ADGRL3: variants seen among roughly 807,000 people sequenced by gnomAD.
ADGRL3 encodes the protein adhesion G protein-coupled receptor L3.
A neutral mutation model predicts 153.5 loss-of-function variants in ADGRL3; 62 were observed. That is an observed-to-expected ratio of 0.40 (90% confidence interval 0.33 to 0.50). ADGRL3 has a LOEUF of 0.50. Among genes scored for constraint, ADGRL3 ranks in the 20% least tolerant of loss-of-function variants. The probability of loss-of-function intolerance (pLI) is 0.47; values close to 1 mark genes in which losing one functional copy is unlikely to be tolerated. For missense variants in ADGRL3, 1,641 were observed against 1,859.4 expected, an observed-to-expected ratio of 0.88 and a Z score of 2.16; for synonymous variants, 710 against 672.5, an observed-to-expected ratio of 1.06 and a Z score of -0.86.
At chr4:61,372,432 T>C (rs965271857) in intron 1 of ADGRL3, among the ~76,000 whole-genome samples, 10 of 152,006 alleles carry the variant, frequency 6.6e-5, no homozygotes, top group Non-Finnish European at 1.0e-4. Context: ...TTCTGTTTGT[T>C]AGTTTTCCTT....
chr4:62,005,995 C>T (rs1490240840), intron 21 of ADGRL3, among the ~76,000 whole-genome samples: 12 of 88,854 alleles, frequency 1.4e-4, no homozygotes, highest in African/African-American at 4.6e-4. Context: ...CACACACACA[C>T]ACACACACAT....
At position 61,432,656 on chromosome 4, in the gene ADGRL3, T is replaced by C. The variant is rs371328040; in HGVS notation, c.-174+49467T>C. On this transcript the variant is annotated intron_variant, in intron 2 of 26. Transcript: ENST00000683033. ...TTTCTTTCTTTCTTTCTTTCTTTCTTTTTTTTTTTTTTTTGAGACAGAATT... is the reference window on the plus strand; with the variant it reads ...TTTCTTTCTTTCTTTCTTTCTTTCTCTTTTTTTTTTTTTTGAGACAGAATT... 9.0e-4 allele frequency among the ~76,000 whole-genome samples: 42 copies of C among 46,430 alleles called. 3 individuals carry two copies. The highest frequency in any genetic ancestry group is 2.5e-3 in the African/African-American group (37 of 14,836). 30.5% of individuals were successfully genotyped at this position (46,430 alleles called of 152,430 possible).
intron 2 of ADGRL3, among the ~76,000 whole-genome samples, chr4:61,399,320 G>A (rs1411147483): frequency 6.6e-6 from 1 of 151,538 alleles, no homozygotes; most frequent in South Asian, 2.1e-4. Flanking sequence ...TTAGTAAAGT[G>A]CACTGCTTAT....
At chr4:61,524,287 C>T (rs1000384417) in intron 4 of ADGRL3, among the ~76,000 whole-genome samples, 2 of 152,184 alleles carry the variant, frequency 1.3e-5, no homozygotes, top group East Asian at 1.9e-4. Context: ...ATCAAACTTT[C>T]GTAGACTGCC....
At chr4:61,708,452 A>T (rs1330165087) in intron 6 of ADGRL3, among the ~76,000 whole-genome samples, 1 of 150,776 alleles carries the variant, frequency 6.6e-6, no homozygotes, top group African/African-American at 2.4e-5. Context: ...AAAAAAATCT[A>T]GCTACTTGTT....
intron 1 of ADGRL3, among the ~76,000 whole-genome samples, chr4:61,291,928 G>A (rs950252073): frequency 1.4e-5 from 2 of 147,468 alleles, no homozygotes; most frequent in African/African-American, 5.1e-5. Flanking sequence ...ATTTTTACAG[G>A]CTGATGTATG....
intron 3 of ADGRL3, among the ~76,000 whole-genome samples, chr4:61,504,546 A>G (rs547785240): frequency 2.6e-5 from 4 of 152,126 alleles, no homozygotes; most frequent in African/African-American, 7.2e-5. Context: ...AATATACAAT[A>G]AATTATTGTT....
intron 1 of ADGRL3, among the ~76,000 whole-genome samples, chr4:61,382,628 A>G (rs1194870949): frequency 1.3e-5 from 2 of 151,722 alleles, no homozygotes; most frequent in Non-Finnish European, 3.0e-5. Context: ...ATTGTGAATA[A>G]ATAGATTACA....
At chr4:61,559,523 C>T (rs906378980) in intron 4 of ADGRL3, among the ~76,000 whole-genome samples, 1 of 152,082 alleles carries the variant, frequency 6.6e-6, no homozygotes, top group Non-Finnish European at 1.5e-5. Context: ...GAATTTGGCT[C>T]TTCCTTGTGC....
At chr4:61,997,746 T>C (rs2099126754) in intron 20 of ADGRL3, among the ~76,000 whole-genome samples, 1 of 152,182 alleles carries the variant, frequency 6.6e-6, no homozygotes, top group South Asian at 2.1e-4. Context: ...TACACAAAAA[T>C]ATATTGATTT....
intron 4 of ADGRL3, among the ~76,000 whole-genome samples, chr4:61,536,284 C>A (rs11734047): frequency 1.3e-5 from 2 of 151,858 alleles, no homozygotes; most frequent in African/African-American, 4.8e-5. Context: ...TTTATTGAGA[C>A]GTGCTTTATC....
At chr4:61,854,333 G>T (rs577836594) in intron 9 of ADGRL3, among the ~76,000 whole-genome samples, 1 of 152,200 alleles carries the variant, frequency 6.6e-6, no homozygotes, top group East Asian at 1.9e-4. Flanking sequence ...TAGGGCTAGG[G>T]GATGAAATAT....
intron 4 of ADGRL3, chr4:61,583,590 C>T: frequency 2.2e-6 from 1 of 456,510 alleles, no homozygotes; most frequent in South Asian, 1.5e-5. Flanking sequence ...AAGCACTTTT[C>T]ACTAGCTGTA....
At chr4:62,058,000 G>C (rs1257885226) in intron 25 of ADGRL3, among the ~76,000 whole-genome samples, 1 of 152,068 alleles carries the variant, frequency 6.6e-6, no homozygotes, top group African/African-American at 2.4e-5. Flanking sequence ...TGTTGTAATT[G>C]AATCTTAAAT....
intron 1 of ADGRL3, among the ~76,000 whole-genome samples, chr4:61,320,257 G>A (rs2095327330): frequency 6.6e-6 from 1 of 152,170 alleles, no homozygotes; most frequent in African/African-American, 2.4e-5. Context: ...GCCGACTAAT[G>A]TACCTTCTTA....
At chr4:61,528,886 CTTACTCTGTTGG>C (rs2098594675) in intron 4 of ADGRL3, among the ~76,000 whole-genome samples, 1 of 152,092 alleles carries the variant, frequency 6.6e-6, no homozygotes, top group Admixed American at 6.5e-5. Flanking sequence ...TAGCACAAGG[CTTACTCTGTTGG>C]AGAGATACTG....
At chr4:61,233,561 C>T (rs556572884) in intron 1 of ADGRL3, among the ~76,000 whole-genome samples, 4 of 152,062 alleles carry the variant, frequency 2.6e-5, no homozygotes, top group South Asian at 2.1e-4. Flanking sequence ...GACATTTGAA[C>T]AAAGAGTTGA....
At chr4:61,991,718 T>TG (rs909859761) in intron 19 of ADGRL3, among the ~76,000 whole-genome samples, 2 of 151,492 alleles carry the variant, frequency 1.3e-5, no homozygotes, top group Non-Finnish European at 2.9e-5. Context: ...GCAATGAAAA[T>TG]GGCATTAAAA....
intron 1 of ADGRL3, among the ~76,000 whole-genome samples, chr4:61,309,886 T>A (rs1237952787): frequency 6.6e-6 from 1 of 152,042 alleles, no homozygotes; most frequent in Non-Finnish European, 1.5e-5. Flanking sequence ...GAAGAAACTA[T>A]GCTAATTTAT....
Sources: gnomAD v4.1 joint callset for allele counts (sites outside exome capture counted in the v4.1 genomes callset) on GRCh38, gnomAD v4.1.1 for gene constraint, MANE v1.5 for transcripts, NCBI Gene and HGNC (gene_info 2026-07-23, HGNC 2026-07-21) for gene names.